Variants in PALM2AKAP2 observed in about 807,000 individuals in gnomAD.
The protein encoded by PALM2AKAP2 is PALM2-AKAP2 fusion protein.
A neutral mutation model predicts 71.5 loss-of-function variants in PALM2AKAP2; 37 were observed. The observed-to-expected ratio is 0.52, with a 90% CI of 0.40 to 0.68. The LOEUF is 0.68. Among genes scored for constraint, PALM2AKAP2 ranks in the 30% least tolerant of loss-of-function variants. PALM2AKAP2 has a pLI of 0.00. For synonymous variants in PALM2AKAP2, 468 were observed against 478.8 expected, an observed-to-expected ratio of 0.98 and a Z score of 0.29; for missense variants, 1,224 against 1,191.8, an observed-to-expected ratio of 1.03 and a Z score of -0.40.
chr9:110,075,484 A>G (rs1834300135), intron 1 of PALM2AKAP2, among the ~76,000 whole-genome samples: 2 of 152,232 alleles, frequency 1.3e-5, no homozygotes, highest in Admixed American at 1.3e-4. Context: ...AGAAGAAAAG[A>G]AAACTCAATC....
At chr9:110,083,290 C>T (rs1834489557) in intron 1 of PALM2AKAP2, among the ~76,000 whole-genome samples, 1 of 152,170 alleles carries the variant, frequency 6.6e-6, no homozygotes. Flanking sequence ...ATTTGTCCTT[C>T]TGTACTAACT....
At chr9:110,075,634 G>C (rs1378047916) in intron 1 of PALM2AKAP2, among the ~76,000 whole-genome samples, 5 of 151,362 alleles carry the variant, frequency 3.3e-5, no homozygotes, top group Non-Finnish European at 7.4e-5. Flanking sequence ...TCCTGTAAAA[G>C]CTGCCCCTAT....
chr9:110,035,772 A>G (rs888459055), intron 7 of PALM2AKAP2, among the ~76,000 whole-genome samples: 1 of 125,942 alleles, frequency 7.9e-6, no homozygotes, highest in African/African-American at 3.4e-5. Context: ...GTTGTATGTT[A>G]TATGTAACAT....
intron 1 of PALM2AKAP2, among the ~76,000 whole-genome samples, chr9:109,806,761 T>C (rs1399084047): frequency 6.6e-6 from 1 of 151,106 alleles, no homozygotes; most frequent in Non-Finnish European, 1.5e-5. Flanking sequence ...AGGTGGGGAG[T>C]GGGTGAAGGA....
intron 1 of PALM2AKAP2, among the ~76,000 whole-genome samples, chr9:109,682,792 C>A (rs1827755516): frequency 6.6e-6 from 1 of 152,218 alleles, no homozygotes; most frequent in African/African-American, 2.4e-5. Flanking sequence ...CCTTTGACTT[C>A]TTGCCTTTAT....
intron 2 of PALM2AKAP2, 27 bp from the exon 3 acceptor site, chr9:109,880,524 G>T (rs1199282615): frequency 6.2e-7 from 1 of 1,611,420 alleles, no homozygotes; most frequent in African/African-American, 1.3e-5. Flanking sequence ...GTATCATCTT[G>T]TCTGTTGTCT....
At chr9:109,794,603 G>A in intron 1 of PALM2AKAP2, among the ~76,000 whole-genome samples, 1 of 152,102 alleles carries the variant, frequency 6.6e-6, no homozygotes, top group Non-Finnish European at 1.5e-5. Flanking sequence ...TTGGGACCAG[G>A]GCCTTGATTT....
intron 1 of PALM2AKAP2, among the ~76,000 whole-genome samples, chr9:109,660,122 CT>C (rs2132241192): frequency 6.6e-6 from 1 of 152,298 alleles, no homozygotes; most frequent in African/African-American, 2.4e-5. Context: ...GTATAAGCTA[CT>C]GCACCTGACC....
chr9:109,712,825 C>G (rs557396117), intron 1 of PALM2AKAP2, among the ~76,000 whole-genome samples: 159 of 152,328 alleles, frequency 1.0e-3, no homozygotes, highest in African/African-American at 3.6e-3. Flanking sequence ...AGAGAAAGCT[C>G]ACTACTTCCC....
At chr9:109,880,721 T>G (rs1338659133) in intron 3 of PALM2AKAP2, 40 bp downstream of exon 3, 1 of 1,609,032 alleles carries the variant, frequency 6.2e-7, no homozygotes, top group African/African-American at 1.3e-5. Context: ...GCTACAGTTT[T>G]TCAGTGCAGT....
At chr9:110,104,440 G>A (rs772135956) in intron 1 of PALM2AKAP2, among the ~76,000 whole-genome samples, 15 of 152,144 alleles carry the variant, frequency 9.9e-5, no homozygotes, top group Non-Finnish European at 1.5e-4. Context: ...CAGTTAATTC[G>A]CTTGTGTTCC....
chr9:109,776,986 T>C (rs895201229), upstream of PALM2AKAP2, among the ~76,000 whole-genome samples: 2 of 152,230 alleles, frequency 1.3e-5, no homozygotes, highest in African/African-American at 4.8e-5. Context: ...AACTCCCACA[T>C]CACCCTGTAG....
intron 1 of PALM2AKAP2, among the ~76,000 whole-genome samples, chr9:110,066,279 T>C (rs1345883579): frequency 6.6e-6 from 1 of 152,238 alleles, no homozygotes. Context: ...ATCCTGGCTT[T>C]GTGACTTCCT....
At chr9:110,029,495 G>C (rs1833241281) in intron 7 of PALM2AKAP2, among the ~76,000 whole-genome samples, 1 of 152,166 alleles carries the variant, frequency 6.6e-6, no homozygotes, top group Non-Finnish European at 1.5e-5. Flanking sequence ...GAGGACATCT[G>C]TCTGTTTCCT....
intron 1 of PALM2AKAP2, among the ~76,000 whole-genome samples, chr9:109,826,015 A>C (rs1326546990): frequency 3.3e-5 from 5 of 152,214 alleles, no homozygotes; most frequent in South Asian, 4.1e-4. Context: ...ACATATGCAC[A>C]ATGGAATACT....
Position 109,969,230 on chromosome 9 carries a change from C to G in PALM2AKAP2, c.496+37202C>G, listed in dbSNP as rs976902996. On this transcript the variant is annotated intron_variant, in intron 6 of 9. Transcript: ENST00000302798. ...AGGAACAGGGTTTGCAAAAGCTCAG[C>G]AGCTCCACAGCTGCTGGTCTGGGCC... Among the ~76,000 whole-genome samples the G allele has an allele frequency of 3.9e-5, 6 of 152,326 alleles. No individual in the cohort carries two copies. In the East Asian group the frequency reaches 1.2e-3, roughly 29 times the overall value.
chr9:109,749,059 A>G (rs916100007), intron 1 of PALM2AKAP2, among the ~76,000 whole-genome samples: 2 of 152,190 alleles, frequency 1.3e-5, no homozygotes. Context: ...GAATTTTGGG[A>G]GGACACAATT....
intron 7 of PALM2AKAP2, among the ~76,000 whole-genome samples, chr9:110,032,198 T>G (rs1196713925): frequency 6.6e-6 from 1 of 152,170 alleles, no homozygotes; most frequent in African/African-American, 2.4e-5. Context: ...TAGTTTTTTC[T>G]AAAATGTCTC....
intron 1 of PALM2AKAP2, among the ~76,000 whole-genome samples, chr9:109,832,061 T>G (rs1030514422): frequency 6.6e-6 from 1 of 152,132 alleles, no homozygotes; most frequent in Admixed American, 6.5e-5. Flanking sequence ...TGACCTCCAC[T>G]CACAGACAGG....
Sources: gnomAD v4.1 joint callset for allele counts (sites outside exome capture counted in the v4.1 genomes callset) on GRCh38, gnomAD v4.1.1 for gene constraint, MANE v1.5 for transcripts, NCBI Gene and HGNC (gene_info 2026-07-23, HGNC 2026-07-21) for gene names.